The following SLIT2 variants were observed in gnomAD, a reference collection of about 807,000 sequenced individuals.
SLIT2 encodes the protein slit homolog 2 protein.
Under a neutral mutation model 185.7 loss-of-function variants are expected in SLIT2, and 41 were observed. The ratio of observed to expected loss-of-function variants is 0.22; its 90% confidence interval spans 0.17 to 0.29. SLIT2 has a LOEUF of 0.29. Ranked by LOEUF, SLIT2 falls within the 10% of genes least tolerant of loss-of-function variation. SLIT2 has a pLI of 1.00. For synonymous variants in SLIT2, 693 were observed against 680.2 expected, an observed-to-expected ratio of 1.02 and a Z score of -0.29; for missense variants, 1,571 against 1,909.0, an observed-to-expected ratio of 0.82 and a Z score of 3.30.
At chr4:20,444,993 A>G (rs1711602580) in intron 4 of SLIT2, among the ~76,000 whole-genome samples, 1 of 152,162 alleles carries the variant, frequency 6.6e-6, no homozygotes, top group Non-Finnish European at 1.5e-5. Context: ...TTTTATTTGT[A>G]TACATAATAA....
chr4:20,393,467 A>T (rs1346781686), intron 4 of SLIT2: 1 of 152,040 alleles, frequency 6.6e-6, no homozygotes, highest in Non-Finnish European at 1.5e-5. Flanking sequence ...AGCATTTTTT[A>T]ATAAATAATT....
intron 4 of SLIT2, among the ~76,000 whole-genome samples, chr4:20,361,610 T>G (rs1247269075): frequency 6.6e-6 from 1 of 152,144 alleles, no homozygotes; most frequent in Non-Finnish European, 1.5e-5. Flanking sequence ...AAACCTAATA[T>G]GTTGGCCTTT....
intron 4 of SLIT2, among the ~76,000 whole-genome samples, chr4:20,462,254 T>TA (rs1205927308): frequency 1.3e-5 from 2 of 152,296 alleles, no homozygotes; most frequent in Non-Finnish European, 2.9e-5. Flanking sequence ...TCTATGATCT[T>TA]AAAAAATGAA....
chr4:20,390,683 A>G (rs1325447385), intron 4 of SLIT2, among the ~76,000 whole-genome samples: 1 of 152,012 alleles, frequency 6.6e-6, no homozygotes, highest in Non-Finnish European at 1.5e-5. Flanking sequence ...TAAAAGGAGT[A>G]TGATTAAATG....
chr4:20,328,496 TTG>T (rs1165128880), intron 4 of SLIT2, among the ~76,000 whole-genome samples: 1 of 152,076 alleles, frequency 6.6e-6, no homozygotes, highest in Non-Finnish European at 1.5e-5. Flanking sequence ...GTACTCCATA[TTG>T]TGTTTGTAGA....
At chr4:20,409,000 A>G (rs959142464) in intron 4 of SLIT2, among the ~76,000 whole-genome samples, 1 of 148,500 alleles carries the variant, frequency 6.7e-6, no homozygotes, top group East Asian at 2.0e-4. Flanking sequence ...TAATTTCTGT[A>G]GTACCACAGA....
At chr4:20,268,921 C>A (rs772505535) in intron 4 of SLIT2, 40 bp downstream of exon 4, 30 of 1,211,278 alleles carry the variant, frequency 2.5e-5, no homozygotes, top group Non-Finnish European at 3.7e-5. Flanking sequence ...TTGGGTAGTA[C>A]CTTGTGTTTT....
chr4:20,613,901 C>T (rs573759015), intron 34 of SLIT2, among the ~76,000 whole-genome samples: 31 of 152,134 alleles, frequency 2.0e-4, no homozygotes, highest in African/African-American at 7.0e-4. Flanking sequence ...GATGGAGTTT[C>T]GCTCTTGTTG....
intron 4 of SLIT2, among the ~76,000 whole-genome samples, chr4:20,333,575 A>T (rs1560326258): frequency 6.6e-6 from 1 of 152,126 alleles, no homozygotes; most frequent in Non-Finnish European, 1.5e-5. Context: ...AATAACTCTG[A>T]ACCAGGAATT....
chr4:20,553,759 G>GTA, intron 25 of SLIT2, 46 bp from the exon 26 acceptor site: 1 of 1,190,430 alleles, frequency 8.4e-7, no homozygotes. Context: ...GTGTGTGTAT[G>GTA]TGTGTGTGTG....
intron 6 of SLIT2, among the ~76,000 whole-genome samples, chr4:20,485,993 A>G (rs1717199499): frequency 6.6e-6 from 1 of 152,198 alleles, no homozygotes; most frequent in Non-Finnish European, 1.5e-5. Context: ...TTTGTAGTAA[A>G]TGTTGAATAA....
At chr4:20,409,961 G>T (rs1727089021) in intron 4 of SLIT2, among the ~76,000 whole-genome samples, 1 of 151,988 alleles carries the variant, frequency 6.6e-6, no homozygotes, top group Non-Finnish European at 1.5e-5. Context: ...TAGATGCTGG[G>T]TATTAGACCT....
At chr4:20,299,683 G>A (rs1332430184) in intron 4 of SLIT2, among the ~76,000 whole-genome samples, 1 of 151,072 alleles carries the variant, frequency 6.6e-6, no homozygotes, top group Non-Finnish European at 1.5e-5. Context: ...TGTGATGTGA[G>A]GTGATGTGAT....
rs144183958 is a variant in SLIT2, at chr4:20,500,075, ATAAG to A, written c.914+8181_914+8184del. 3.2e-3 allele frequency among the ~76,000 whole-genome samples: 494 copies of A among 152,318 alleles called. 4 individuals are homozygous for A. The highest frequency in any genetic ancestry group is 0.011 in the African/African-American group (457 of 41,570). ...CTACTATTCAGACAATATTGATAAA[ATAAG>A]TAAGGCAAATGATACCATTTTTTAA... On this transcript the variant is annotated intron_variant, in intron 9 of 36. Coordinates refer to ENST00000504154, the MANE Select transcript of SLIT2 (RefSeq NM_004787.4).
Position 20,596,553 on chromosome 4 carries a change from A to T in SLIT2, c.3459A>T (p.Gly1153=). ...PICQCLPGYQ[G]EKCEKLVSVN... is the part of the protein sequence containing the mutation. ...GTCAGTGTTTGCCTGGCTATCAGGGAGAAAAGTGTGAAAAATTGGTTAGTG... is the reference window on the plus strand; with the variant it reads ...GTCAGTGTTTGCCTGGCTATCAGGGTGAAAAGTGTGAAAAATTGGTTAGTG... The change falls in exon 32 of 37, where the codon GGA becomes GGT. Residue 1153 remains glycine (G), a synonymous_variant. Transcript: ENST00000504154. 6.2e-7 allele frequency: 1 copy of T among 1,614,116 alleles called. No individual in the cohort carries two copies.
intron 4 of SLIT2, among the ~76,000 whole-genome samples, chr4:20,412,293 C>T (rs1577605044): frequency 6.6e-6 from 1 of 151,152 alleles, no homozygotes; most frequent in African/African-American, 2.4e-5. Flanking sequence ...CTCTACTATA[C>T]AGTAGGTTTG....
chr4:20,510,925 C>A lies in SLIT2; in HGVS notation c.987-141C>A, dbSNP rs1719638845. On this transcript the variant is annotated intron_variant, in intron 10 of 36. Transcript: ENST00000504154. ...ATGATTTCTTTTTTAAATTTCTGAT[C>A]CTTCAGATGTTCAATGTTGCACGTT... is the stretch of plus-strand genomic sequence containing the variant. The A allele has an allele frequency of 2.9e-5, 16 of 542,856 alleles. No homozygotes were observed. The South Asian group carries it at 5.1e-4, about 17-fold the overall frequency. 33.6% of individuals were successfully genotyped at this position (542,856 alleles called of 1,614,324 possible).
rs374661023 is a variant in SLIT2, at chr4:20,609,994, ATT to A, written c.3693-11_3693-10del. On this transcript the variant is annotated splice_polypyrimidine_tract_variant and intron_variant, in intron 33 of 36. Transcript: ENST00000504154. ...TGAAAAGAAAATGGAAGAATCAGCC[ATT>A]TTTTTTTCCGTTGTAGTGTGGAGAC... 3 of 1,545,884 alleles carry A rather than the reference ATT, an allele frequency of 1.9e-6. No individual in the cohort carries two copies. The highest frequency in any genetic ancestry group is 4.7e-5 in the East Asian group (2 of 42,716).
intron 5 of SLIT2, among the ~76,000 whole-genome samples, chr4:20,478,098 G>A (rs1050542717): frequency 2.6e-5 from 4 of 152,214 alleles, no homozygotes; most frequent in Non-Finnish European, 5.9e-5. Flanking sequence ...ATGAAGGTCT[G>A]TTGGGAGAGA....
Sources: allele counts gnomAD v4.1 joint callset (sites outside exome capture counted in the v4.1 genomes callset), GRCh38; gene constraint gnomAD v4.1.1; transcripts MANE v1.5; gene names NCBI Gene and HGNC (gene_info 2026-07-23, HGNC 2026-07-21).